NSMCE2: variants seen among roughly 807,000 people sequenced by gnomAD.
The protein encoded by NSMCE2 is NSE2 SUMO ligase component of SMC5/6 complex, also known as E3 SUMO-protein ligase NSE2.
In NSMCE2, 24 loss-of-function variants were observed where a neutral mutation model predicts 23.8. That is an observed-to-expected ratio of 1.01 (90% CI 0.73 to 1.42). The LOEUF (loss-of-function observed/expected upper bound fraction) is 1.42, where lower values mean the gene tolerates loss of function less well. Ranked by LOEUF, NSMCE2 falls within the 40% of genes most tolerant of loss-of-function variation. The probability of loss-of-function intolerance (pLI) is 0.00; values close to 1 mark genes in which losing one functional copy is unlikely to be tolerated. For synonymous variants in NSMCE2, 92 were observed against 94.1 expected (o/e 0.98, Z 0.13); for missense variants, 284 against 296.5 (o/e 0.96, Z 0.31).
At chr8:125,328,200 C>T (rs993542161) in intron 5 of NSMCE2, among the ~76,000 whole-genome samples, 4 of 147,542 alleles carry the variant, frequency 2.7e-5, no homozygotes, top group African/African-American at 1.0e-4. Context: ...TTGAAATTGA[C>T]AGTCAGAATC....
At chr8:125,312,460 C>T (rs1050294239) in intron 5 of NSMCE2, among the ~76,000 whole-genome samples, 3 of 151,980 alleles carry the variant, frequency 2.0e-5, no homozygotes, top group African/African-American at 7.3e-5. Context: ...TCTGTCTCTA[C>T]TGAAAATACA....
intron 5 of NSMCE2, among the ~76,000 whole-genome samples, chr8:125,290,428 A>G (rs1828065236): frequency 1.3e-5 from 2 of 152,174 alleles, no homozygotes; most frequent in Admixed American, 6.5e-5. Flanking sequence ...TTCTCAGACC[A>G]TAAAATCTCT....
At chr8:125,298,260 A>T (rs1379925105) in intron 5 of NSMCE2, among the ~76,000 whole-genome samples, 6 of 152,250 alleles carry the variant, frequency 3.9e-5, no homozygotes, top group Non-Finnish European at 8.8e-5. Flanking sequence ...TCCATCTCAA[A>T]AAATAAATAA....
chr8:125,204,583 T>C (rs1378080211), intron 5 of NSMCE2, among the ~76,000 whole-genome samples: 1 of 152,234 alleles, frequency 6.6e-6, no homozygotes, highest in Non-Finnish European at 1.5e-5. Context: ...TTGATAGTTG[T>C]ATGGAGTCAA....
chr8:125,130,529 G>A (rs1469369741), intron 3 of NSMCE2, among the ~76,000 whole-genome samples: 1 of 151,998 alleles, frequency 6.6e-6, no homozygotes, highest in East Asian at 1.9e-4. Flanking sequence ...CCTGCCTTAG[G>A]ATCAGCTATT....
chr8:125,220,597 T>C (rs1824806999), intron 5 of NSMCE2, among the ~76,000 whole-genome samples: 1 of 151,094 alleles, frequency 6.6e-6, no homozygotes, highest in African/African-American at 2.4e-5. Context: ...TTGAAAGTAA[T>C]AAAATGACTC....
At chr8:125,274,470 C>T (rs899585062) in intron 5 of NSMCE2, among the ~76,000 whole-genome samples, 4 of 152,140 alleles carry the variant, frequency 2.6e-5, no homozygotes, top group Non-Finnish European at 5.9e-5. Flanking sequence ...GCTCTTCTCT[C>T]AGTTAACTCC....
intron 3 of NSMCE2, among the ~76,000 whole-genome samples, chr8:125,105,793 A>G (rs1203544199): frequency 6.6e-6 from 1 of 152,126 alleles, no homozygotes; most frequent in Non-Finnish European, 1.5e-5. Context: ...TAGTTTGTCA[A>G]CCCCTGCTTT....
chr8:125,141,957 A>G (rs1820394313), intron 3 of NSMCE2, among the ~76,000 whole-genome samples: 1 of 152,152 alleles, frequency 6.6e-6, no homozygotes, highest in Non-Finnish European at 1.5e-5. Context: ...TGGTGTTTAC[A>G]GTGCTTCTTA....
intron 7 of NSMCE2, 145 bp downstream of exon 7, chr8:125,357,963 T>C: frequency 1.6e-6 from 1 of 635,458 alleles, no homozygotes; most frequent in South Asian, 1.9e-5. Context: ...AAGTGGGCTT[T>C]CTGGAAAAAC....
At chr8:125,131,992 T>A (rs1354717109) in intron 3 of NSMCE2, among the ~76,000 whole-genome samples, 1 of 152,222 alleles carries the variant, frequency 6.6e-6, no homozygotes, top group Admixed American at 6.5e-5. Flanking sequence ...TTTGGGGGAT[T>A]CATGTCATGC....
intron 5 of NSMCE2, among the ~76,000 whole-genome samples, chr8:125,307,405 G>A (rs1056989171): frequency 6.6e-6 from 1 of 152,244 alleles, no homozygotes; most frequent in African/African-American, 2.4e-5. Context: ...TGTCAGATCA[G>A]AAAGGGAATG....
chr8:125,095,894 A>AG (rs1392240813), intron 1 of NSMCE2, among the ~76,000 whole-genome samples: 2 of 151,952 alleles, frequency 1.3e-5, no homozygotes, highest in African/African-American at 4.8e-5. Context: ...AAAAAAAAAA[A>AG]AAAAAAAGAA....
Position 125,193,158 on chromosome 8 carries a change from A to G in NSMCE2, c.418+10902A>G, listed in dbSNP as rs116662167. On this transcript the variant is annotated intron_variant, in intron 5 of 7. Transcript: ENST00000287437. Reference sequence around the variant, plus strand: ...ATGCTATTAAGAGTTAACAGGGTATAAAGTTGAGTATTCAGTATGATTACA... The same window carrying G: ...ATGCTATTAAGAGTTAACAGGGTATGAAGTTGAGTATTCAGTATGATTACA... Among the ~76,000 whole-genome samples, 670 of 152,336 alleles carry G rather than the reference A, an allele frequency of 4.4e-3. 3 individuals carry two copies. The highest frequency in any genetic ancestry group is 0.015 in the African/African-American group (634 of 41,564).
intron 5 of NSMCE2, among the ~76,000 whole-genome samples, chr8:125,185,229 G>A (rs1465764316): frequency 6.6e-6 from 1 of 152,200 alleles, no homozygotes; most frequent in Non-Finnish European, 1.5e-5. Context: ...CAGTGCACCA[G>A]CTGTAAGTTA....
At chr8:125,133,801 A>G (rs1819905788) in intron 3 of NSMCE2, among the ~76,000 whole-genome samples, 1 of 152,192 alleles carries the variant, frequency 6.6e-6, no homozygotes, top group Admixed American at 6.5e-5. Context: ...AGAAAAAGAA[A>G]AAAGAAATTC....
chr8:125,216,478 A>C (rs772782595), intron 5 of NSMCE2, among the ~76,000 whole-genome samples: 4 of 152,112 alleles, frequency 2.6e-5, no homozygotes, highest in Non-Finnish European at 4.4e-5. Flanking sequence ...GCTTTCTACT[A>C]AAAATACAAA....
At chr8:125,332,674 T>G (rs1193166560) in intron 5 of NSMCE2, among the ~76,000 whole-genome samples, 1 of 152,234 alleles carries the variant, frequency 6.6e-6, no homozygotes, top group African/African-American at 2.4e-5. Context: ...ACAGAATGCT[T>G]TGTACACTGC....
intron 4 of NSMCE2, among the ~76,000 whole-genome samples, chr8:125,168,640 A>G (rs72720554): frequency 0.096 from 14,569 of 152,230 alleles, 750 homozygotes; most frequent in African/African-American, 0.11. Context: ...TTATGATGGC[A>G]CAAGTCCCAT....
Sources: gnomAD v4.1 joint callset for allele counts (sites outside exome capture counted in the v4.1 genomes callset) on GRCh38, gnomAD v4.1.1 for gene constraint, MANE v1.5 for transcripts, NCBI Gene and HGNC (gene_info 2026-07-23, HGNC 2026-07-21) for gene names.